VWC2: variants seen among roughly 807,000 people sequenced by gnomAD.
VWC2 encodes the protein brorin.
A neutral mutation model predicts 29.8 loss-of-function variants in VWC2; 14 were observed. That is an observed-to-expected ratio of 0.47 (90% CI 0.31 to 0.74). VWC2 has a LOEUF of 0.74. VWC2 is among the 30% of genes least tolerant of loss of function. The pLI is 0.05. For synonymous variants in VWC2, 213 were observed against 199.0 expected (o/e 1.07, Z -0.59); for missense variants, 457 against 459.8 (o/e 0.99, Z 0.05).
At chr7:49,796,169 T>C (rs1455688637) in intron 2 of VWC2, among the ~76,000 whole-genome samples, 1 of 152,242 alleles carries the variant, frequency 6.6e-6, no homozygotes, top group Non-Finnish European at 1.5e-5. Context: ...AAGAATATAC[T>C]TTATGCTGAA....
chr7:49,781,558 A>C (rs1788177710), intron 2 of VWC2, among the ~76,000 whole-genome samples: 1 of 152,200 alleles, frequency 6.6e-6, no homozygotes, highest in Admixed American at 6.5e-5. Context: ...TAGCTTGATC[A>C]AGGTCATAGA....
intron 2 of VWC2, among the ~76,000 whole-genome samples, chr7:49,794,875 T>C (rs536676828): frequency 6.6e-6 from 1 of 152,334 alleles, no homozygotes; most frequent in African/African-American, 2.4e-5. Flanking sequence ...TGACTTATCA[T>C]ATTCCAAGTT....
chr7:49,895,990 G>A (rs1289695985), intron 3 of VWC2, among the ~76,000 whole-genome samples: 3 of 152,018 alleles, frequency 2.0e-5, no homozygotes, highest in Admixed American at 6.6e-5. Context: ...ATTTTCCCAA[G>A]ATTCTTAGTA....
intron 3 of VWC2, among the ~76,000 whole-genome samples, chr7:49,866,951 C>G (rs1359434297): frequency 1.3e-5 from 2 of 152,234 alleles, no homozygotes; most frequent in Non-Finnish European, 2.9e-5. Flanking sequence ...GACCCAGAAG[C>G]CCACCTGTGT....
At chr7:49,843,766 C>G (rs1192952901) in intron 3 of VWC2, among the ~76,000 whole-genome samples, 1 of 152,154 alleles carries the variant, frequency 6.6e-6, no homozygotes, top group Admixed American at 6.5e-5. Context: ...ATGTTGCCCC[C>G]AGCGCTACAG....
chr7:49,849,912 G>A (rs1790108893), intron 3 of VWC2, among the ~76,000 whole-genome samples: 1 of 152,096 alleles, frequency 6.6e-6, no homozygotes, highest in Non-Finnish European at 1.5e-5. Flanking sequence ...CATAGCACAG[G>A]TACAAAAAAA....
intron 3 of VWC2, among the ~76,000 whole-genome samples, chr7:49,807,356 A>G (rs772647417): frequency 5.3e-5 from 8 of 152,224 alleles, no homozygotes; most frequent in Non-Finnish European, 1.2e-4. Context: ...AAGAGGAACA[A>G]CAAAGCTGGA....
chr7:49,911,879 A>G (rs1793460659), intron 3 of VWC2, among the ~76,000 whole-genome samples, 155 bp from the exon 4 acceptor site: 1 of 151,036 alleles, frequency 6.6e-6, no homozygotes, highest in African/African-American at 2.4e-5. Flanking sequence ...CCTGGGTGAT[A>G]GAGCAAGACT....
At position 49,913,515 on chromosome 7, in the gene VWC2, T is replaced by C. The variant is rs1462983800; in HGVS notation, c.*1330T>C. The C allele has an allele frequency of 6.6e-6, 1 of 152,196 alleles. No individual in the cohort carries two copies. Among genetic ancestry groups the C allele is most frequent in the African/African-American group, 2.4e-5 (1 of 41,450 alleles). The allele number at this position is 152,196 out of a possible 1,614,324, so 9.4% of individuals were successfully genotyped here. A position where few individuals can be genotyped will look rare whatever the true frequency, so the allele number is the denominator to read the frequency against. On this transcript the variant is annotated 3_prime_UTR_variant, in exon 4 of 4. Coordinates refer to ENST00000340652, the MANE Select transcript of VWC2 (RefSeq NM_198570.5). ...TGTCTTTAAAGGATTAAAATATATA[T>C]AATCATTATTTGAAGCCTCTAAAGG...
At chr7:49,836,046 A>C (rs1315076948) in intron 3 of VWC2, among the ~76,000 whole-genome samples, 1 of 152,224 alleles carries the variant, frequency 6.6e-6, no homozygotes, top group African/African-American at 2.4e-5. Context: ...TAGAAGCCAG[A>C]GAAAGGGAGT....
intron 3 of VWC2, among the ~76,000 whole-genome samples, chr7:49,851,122 G>A (rs1381303436): frequency 2.0e-5 from 3 of 152,134 alleles, no homozygotes; most frequent in Non-Finnish European, 4.4e-5. Flanking sequence ...CCTAGTGGCT[G>A]CCCGCCACCC....
Position 49,775,679 on chromosome 7 carries a change from C to T in VWC2, c.244C>T (p.Arg82Cys). 1 of 1,524,582 alleles carries T rather than the reference C, an allele frequency of 6.6e-7. No homozygotes were observed. Among genetic ancestry groups the T allele is most frequent in the South Asian group, 1.2e-5 (1 of 81,016 alleles). The allele number at this position is 1,524,582 out of a possible 1,614,324, so 94.4% of individuals were successfully genotyped here. A position where few individuals can be genotyped will look rare whatever the true frequency, so the allele number is the denominator to read the frequency against. ...SGRDWKSKSG[R>C]GLAGREPWSK... ...CCGGGACTGGAAGAGCAAGAGCGGC[C>T]GTGGGCTCGCCGGCCGTGAGCCGTG... The change falls in exon 2 of 4, where the codon CGT becomes TGT. Residue 82 changes from arginine to cysteine, a missense_variant. By Grantham distance (180) the Arg-to-Cys change is radical. This residue lies in a region of VWC2 where 272 missense variants were observed against 202.7 expected (regional missense o/e 1.34). Transcript: ENST00000340652.
intron 3 of VWC2, among the ~76,000 whole-genome samples, chr7:49,896,919 C>T (rs1433756389): frequency 1.2e-4 from 16 of 130,408 alleles, no homozygotes; most frequent in African/African-American, 3.2e-4. Context: ...GACGGAGTCT[C>T]GCTCTGTCGC....
At chr7:49,812,323 C>T (rs991070056) in intron 3 of VWC2, among the ~76,000 whole-genome samples, 2 of 152,156 alleles carry the variant, frequency 1.3e-5, no homozygotes, top group African/African-American at 4.8e-5. Context: ...CCTGAATAAA[C>T]CTTCTAAAAA....
intron 3 of VWC2, among the ~76,000 whole-genome samples, chr7:49,835,061 G>A (rs1026495692): frequency 5.9e-5 from 9 of 152,330 alleles, no homozygotes; most frequent in African/African-American, 2.2e-4. Flanking sequence ...GGTTCTTAAA[G>A]GCAAATGGGG....
chr7:49,825,109 G>A (rs941542868), intron 3 of VWC2, among the ~76,000 whole-genome samples: 1 of 151,778 alleles, frequency 6.6e-6, no homozygotes, highest in Admixed American at 6.6e-5. Flanking sequence ...GATTAATTCT[G>A]TCTTCTGCCC....
rs1005262742 is a variant in VWC2 at position 49,886,993 on chromosome 7, A to G, written c.827-25041A>G. Among the ~76,000 whole-genome samples, 4 of 150,312 alleles carry G rather than the reference A, an allele frequency of 2.7e-5. No individual in the cohort carries two copies. The South Asian group carries it at 8.4e-4, about 32-fold the overall frequency. On this transcript the variant is annotated intron_variant, in intron 3 of 3. Coordinates refer to ENST00000340652, the MANE Select transcript of VWC2 (RefSeq NM_198570.5). ...TGCCTTTACCTTCATTTTTACTTTT[A>G]CCTATATTCAAGGCAAATTTTAAGT...
At chr7:49,859,810 A>G (rs569905) in intron 3 of VWC2, among the ~76,000 whole-genome samples, 2 of 151,600 alleles carry the variant, frequency 1.3e-5, no homozygotes, top group Admixed American at 1.3e-4. Context: ...ACACACACAC[A>G]CACACACACA....
Position 49,920,597 on chromosome 7 carries a change from C to T in VWC2, c.*8412C>T, listed in dbSNP as rs891944360. The T allele has an allele frequency of 9.9e-5, 15 of 152,224 alleles. No homozygotes were observed. The highest frequency in any genetic ancestry group is 2.9e-4 in the African/African-American group (12 of 41,544). The allele number at this position is 152,224 out of a possible 1,614,324, so 9.4% of individuals were successfully genotyped here. On this transcript the variant is annotated 3_prime_UTR_variant, in exon 4 of 4. Transcript: ENST00000340652. ...GGAACAGAGAGAGACTCTGCTTGGC[C>T]GAGTTTGCTATTCTCATTTGTCTAT...
Sources: allele counts gnomAD v4.1 joint callset (sites outside exome capture counted in the v4.1 genomes callset), GRCh38; gene constraint gnomAD v4.1.1; regional missense constraint gnomAD v4.1.1; transcripts MANE v1.5; gene names NCBI Gene and HGNC (gene_info 2026-07-23, HGNC 2026-07-21).